Variants in TGM7 observed in about 807,000 individuals in gnomAD.
TGM7 encodes the protein transglutaminase 7.
In TGM7, 74 loss-of-function variants were observed where a neutral mutation model predicts 79.5. That is an observed-to-expected ratio of 0.93 (90% CI 0.77 to 1.13). The LOEUF (loss-of-function observed/expected upper bound fraction) is 1.13. Among genes scored for constraint, TGM7 ranks in the 50% most tolerant of loss-of-function variants. The pLI is 0.00. For synonymous variants in TGM7, 354 were observed against 362.5 expected (o/e 0.98, Z 0.27); for missense variants, 912 against 905.9 (o/e 1.01, Z -0.09).
At chr15:43,295,818 A>G (rs1372813018) in intron 1 of TGM7, among the ~76,000 whole-genome samples, 1 of 152,256 alleles carries the variant, frequency 6.6e-6, no homozygotes, top group Non-Finnish European at 1.5e-5. Flanking sequence ...GGTAGATTCA[A>G]CAAAGGTGAA....
rs1232488404 is a variant in TGM7, at chr15:43,276,463, C to A, written c.2125G>T (p.Ala709Ser). 1 of 1,612,282 alleles carries A rather than the reference C, an allele frequency of 6.2e-7. No individual in the cohort carries two copies. Among genetic ancestry groups the A allele is most frequent in the Non-Finnish European group, 8.5e-7 (1 of 1,179,132 alleles). The part of the protein sequence containing the change: ...YKDIFVTVAG[A>S]P Reference sequence around the variant, plus strand: ...CAGCTGGAGGGCGGGTCTCAGGGAGCCCCAGCCACAGTGACGAAGATGTCC... The same window carrying A: ...CAGCTGGAGGGCGGGTCTCAGGGAGACCCAGCCACAGTGACGAAGATGTCC... The change falls in exon 13 of 13, where the codon GCT (alanine) becomes TCT (serine). Residue 709 changes from alanine (A) to serine (S), a missense_variant. Physicochemically the swap from Ala to Ser is moderately conservative, Grantham distance 99. Transcript: ENST00000452443.
chr15:43,296,424 C>CA (rs35879868), intron 1 of TGM7, among the ~76,000 whole-genome samples: 39,665 of 77,986 alleles, frequency 0.51, 10,725 homozygotes, highest in African/African-American at 0.78. Context: ...GACTCTGTCT[C>CA]AAAAAAAAAA....
chr15:43,297,629 G>GAA, intron 1 of TGM7, among the ~76,000 whole-genome samples: 1 of 147,990 alleles, frequency 6.8e-6, no homozygotes, highest in South Asian at 2.2e-4. Flanking sequence ...AAGAAAGAAA[G>GAA]AAAGAAAAAG....
intron 1 of TGM7, 87 bp downstream of exon 1, chr15:43,302,154 G>T: frequency 1.3e-6 from 2 of 1,511,914 alleles, no homozygotes; most frequent in South Asian, 1.1e-5. Context: ...CTCTCCTGTC[G>T]CTTCCCTACA....
At chr15:43,281,053 G>A (rs187905425) in intron 9 of TGM7, among the ~76,000 whole-genome samples, 5 of 152,296 alleles carry the variant, frequency 3.3e-5, no homozygotes, top group East Asian at 3.9e-4. Context: ...CATTTGTGCC[G>A]CCTCCAACAG....
At chr15:43,286,739 C>G (rs771964152) in intron 6 of TGM7, among the ~76,000 whole-genome samples, 2 of 152,238 alleles carry the variant, frequency 1.3e-5, no homozygotes, top group Non-Finnish European at 2.9e-5. Context: ...CTCATCTTCA[C>G]AGATGGTCTG....
At chr15:43,295,078 G>C (rs1439120115) in intron 1 of TGM7, among the ~76,000 whole-genome samples, 1 of 151,832 alleles carries the variant, frequency 6.6e-6, no homozygotes, top group East Asian at 1.9e-4. Context: ...TATTTTTTTT[G>C]TATTTTGTAG....
At chr15:43,280,953 G>C (rs895221841) in intron 9 of TGM7, among the ~76,000 whole-genome samples, 3 of 152,204 alleles carry the variant, frequency 2.0e-5, no homozygotes, top group African/African-American at 7.2e-5. Context: ...GCAAGAGCAA[G>C]GAGGAGGAGG....
Position 43,287,676 on chromosome 15 carries a change from A to G in TGM7, c.559-7T>C, listed in dbSNP as rs1317599605. Reference sequence around the variant, plus strand: ...CTATGATGTCCTCTTCAAACTTCCAAGTGATTTTAAGGGAGAAAAAAGAGA... The same window carrying G: ...CTATGATGTCCTCTTCAAACTTCCAGGTGATTTTAAGGGAGAAAAAAGAGA... On this transcript the variant is annotated splice_polypyrimidine_tract_variant and splice_region_variant and intron_variant, in intron 4 of 12. Coordinates refer to ENST00000452443, the MANE Select transcript of TGM7 (RefSeq NM_052955.3). The G allele has an allele frequency of 1.2e-6, 2 of 1,603,926 alleles. No homozygotes were observed. Among genetic ancestry groups the G allele is most frequent in the Admixed American group, 1.8e-5 (1 of 56,930 alleles).
chr15:43,293,451 G>T lies in TGM7; in HGVS notation c.191C>A (p.Thr64Asn), dbSNP rs777128962. ...QNDHITFVAETGPKPSELLGT... is the reference protein window; with the variant it reads ...QNDHITFVAENGPKPSELLGT... The stretch of plus-strand genomic sequence containing the variant: ...GCCTTGGGACAGGGCAAACTCACCG[G>T]TCTCAGCCACAAAGGTGATGTGGTC... The change falls in exon 2 of 13, where the codon ACC becomes AAC. Residue 64 changes from threonine to asparagine, a missense_variant and splice_region_variant. Coordinates refer to ENST00000452443, the MANE Select transcript of TGM7 (RefSeq NM_052955.3). 2.5e-6 allele frequency: 4 copies of T among 1,599,158 alleles called. No individual in the cohort carries two copies. The highest frequency in any genetic ancestry group is 2.2e-5 in the South Asian group (2 of 90,162).
At chr15:43,286,847 C>G (rs1167517548) in intron 6 of TGM7, among the ~76,000 whole-genome samples, 1 of 152,206 alleles carries the variant, frequency 6.6e-6, no homozygotes, top group Non-Finnish European at 1.5e-5. Flanking sequence ...ATAATGATAA[C>G]TGCTCAAGGA....
chr15:43,296,534 T>C (rs1415673609), intron 1 of TGM7, among the ~76,000 whole-genome samples: 3 of 151,842 alleles, frequency 2.0e-5, no homozygotes, highest in Non-Finnish European at 4.4e-5. Flanking sequence ...GCAGGACCAC[T>C]GAGCCTTCAC....
chr15:43,292,675 C>T (rs891341394), intron 3 of TGM7, 34 bp downstream of exon 3: 1 of 1,608,172 alleles, frequency 6.2e-7, no homozygotes. Flanking sequence ...CCCAATGGAT[C>T]AGGTTAGCAA....
At chr15:43,297,625 GAAAGAAAGAA>G (rs1368059850) in intron 1 of TGM7, among the ~76,000 whole-genome samples, 21 of 151,406 alleles carry the variant, frequency 1.4e-4, no homozygotes, top group Non-Finnish European at 1.9e-4. Flanking sequence ...AAGAAAGAAA[GAAAGAAAGAA>G]AAAGAAAGAA....
At position 43,292,031 on chromosome 15, in the gene TGM7, A is replaced by G; in HGVS notation, c.506T>C (p.Val169Ala). 1 of 1,614,076 alleles carries G rather than the reference A, an allele frequency of 6.2e-7. No homozygotes were observed. The highest frequency in any genetic ancestry group is 8.5e-7 in the Non-Finnish European group (1 of 1,180,014). The change falls in exon 4 of 13, where the codon GTT becomes GCT. Residue 169 changes from valine to alanine, a missense_variant. Coordinates refer to ENST00000452443, the MANE Select transcript of TGM7 (RefSeq NM_052955.3). ...GATGAATCTTTCATGACCCTTGTAA[A>G]CAAAGCCATAATCTCGCATGATATA... is the stretch of plus-strand genomic sequence containing the variant. ...QEYIMRDYGF[V>A]YKGHERFITS...
intron 9 of TGM7, 44 bp downstream of exon 9, chr15:43,281,800 A>C: frequency 6.2e-7 from 1 of 1,602,152 alleles, no homozygotes; most frequent in Non-Finnish European, 8.5e-7. Context: ...GAAGCATCAC[A>C]AAGAAGCTTA....
In TGM7 at chr15:43,276,847, A is replaced by G; in HGVS notation, c.1973+15T>C. ...TGAGACCAGCAAGGGGGAGGTGGGC[A>G]GAAGCGTCACTTACTCCTTTGCTAT... is the stretch of plus-strand genomic sequence containing the variant. On this transcript the variant is annotated intron_variant, in intron 12 of 12. Coordinates refer to ENST00000452443, the MANE Select transcript of TGM7 (RefSeq NM_052955.3). The G allele has an allele frequency of 1.9e-6, 3 of 1,612,720 alleles. No homozygotes were observed. Among genetic ancestry groups the G allele is most frequent in the Non-Finnish European group, 2.5e-6 (3 of 1,179,222 alleles).
At chr15:43,289,704 T>C (rs914318097) in intron 4 of TGM7, among the ~76,000 whole-genome samples, 1 of 152,246 alleles carries the variant, frequency 6.6e-6, no homozygotes, top group Non-Finnish European at 1.5e-5. Flanking sequence ...TTCCGATTTC[T>C]CCACATCCTC....
chr15:43,281,117 C>A (rs1339258361), intron 9 of TGM7, among the ~76,000 whole-genome samples: 3 of 152,266 alleles, frequency 2.0e-5, no homozygotes, highest in Non-Finnish European at 4.4e-5. Context: ...TTGCTGCATT[C>A]CACAGGCACT....
Sources: gnomAD v4.1 joint callset for allele counts (sites outside exome capture counted in the v4.1 genomes callset) on GRCh38, gnomAD v4.1.1 for gene constraint, MANE v1.5 for transcripts, NCBI Gene and HGNC (gene_info 2026-07-23, HGNC 2026-07-21) for gene names.